ATL2: variants seen among roughly 807,000 people sequenced by gnomAD.
ATL2 encodes atlastin-2.
Under a neutral mutation model 73.9 loss-of-function variants are expected in ATL2, and 31 were observed. The observed-to-expected ratio is 0.42, with a 90% CI of 0.32 to 0.57. The LOEUF (loss-of-function observed/expected upper bound fraction) is 0.57. Ranked by LOEUF, ATL2 falls within the 20% of genes least tolerant of loss-of-function variation. ATL2 has a pLI of 0.14. For missense variants in ATL2, 738 were observed against 702.6 expected (o/e 1.05, Z -0.57); for synonymous variants, 291 against 237.5 (o/e 1.23, Z -2.07).
At chr2:38,357,990 G>C (rs1052100867) in intron 1 of ATL2, among the ~76,000 whole-genome samples, 1 of 152,146 alleles carries the variant, frequency 6.6e-6, no homozygotes, top group Non-Finnish European at 1.5e-5. Flanking sequence ...AGCAGTGCTA[G>C]TCAAGCTTAA....
At chr2:38,325,698 GTACACACACACACA>G (rs1668597213) in intron 2 of ATL2, among the ~76,000 whole-genome samples, 4 of 4,098 alleles carry the variant, frequency 9.8e-4, no homozygotes, top group African/African-American at 3.3e-3. Flanking sequence ...ACACACACCA[GTACACACACACACA>G]CACACACACA....
chr2:38,299,560 C>G (rs1373399948), intron 10 of ATL2, among the ~76,000 whole-genome samples: 2 of 152,128 alleles, frequency 1.3e-5, no homozygotes, highest in Non-Finnish European at 2.9e-5. Flanking sequence ...TAAAGTGTGT[C>G]TGCAGAAAAC....
At chr2:38,370,306 G>T (rs552732406) in intron 1 of ATL2, among the ~76,000 whole-genome samples, 2 of 147,528 alleles carry the variant, frequency 1.4e-5, no homozygotes, top group African/African-American at 2.5e-5. Context: ...AAAATTAGCC[G>T]GGCACGGTGG....
chr2:38,376,437 G>T, intron 1 of ATL2: 2 of 331,620 alleles, frequency 6.0e-6, no homozygotes, highest in Non-Finnish European at 1.1e-5. Flanking sequence ...TCGTCCAAGT[G>T]ACTCGTAAAC....
At position 38,309,481 on chromosome 2, in the gene ATL2, C is replaced by G. The variant is rs756972639; in HGVS notation, c.969G>C (p.Glu323Asp). The change falls in exon 9 of 13, where the codon GAG becomes GAC. Residue 323 changes from glutamate to aspartate, a missense_variant. Coordinates refer to ENST00000378954, the MANE Select transcript of ATL2 (RefSeq NM_001135673.4). ...GCAGCAATGGAACCAGATTTCGAAG[C>G]TCTCGTTTAAAGTCTTCATCAATAT... ...LKDIDEDFKR[E>D]LRNLVPLLLA... The G allele has an allele frequency of 1.2e-6, 2 of 1,612,478 alleles. No homozygotes were observed. Among genetic ancestry groups the G allele is most frequent in the Admixed American group, 3.3e-5 (2 of 59,862 alleles).
chr2:38,325,340 T>C (rs1214796845), intron 2 of ATL2, among the ~76,000 whole-genome samples: 1 of 151,910 alleles, frequency 6.6e-6, no homozygotes, highest in African/African-American at 2.4e-5. Flanking sequence ...GGATCAGGAG[T>C]TGAGGTCAGC....
chr2:38,315,077 C>T (rs181327241), intron 5 of ATL2, among the ~76,000 whole-genome samples: 2 of 152,254 alleles, frequency 1.3e-5, no homozygotes, highest in Non-Finnish European at 2.9e-5. Context: ...CATGGTGAAA[C>T]TTCATCTCCA....
At chr2:38,325,697 AGT>A (rs1558412084) in intron 2 of ATL2, among the ~76,000 whole-genome samples, 25 of 3,712 alleles carry the variant, frequency 6.7e-3, no homozygotes, top group East Asian at 0.013. Context: ...CACACACACC[AGT>A]ACACACACAC....
intron 1 of ATL2, among the ~76,000 whole-genome samples, chr2:38,345,919 G>A (rs1279150567): frequency 6.6e-6 from 1 of 152,198 alleles, no homozygotes; most frequent in Non-Finnish European, 1.5e-5. Flanking sequence ...AGGATTCAAT[G>A]AGTTGAAATA....
chr2:38,339,863 G>T (rs1178466222), intron 2 of ATL2, among the ~76,000 whole-genome samples: 2 of 151,960 alleles, frequency 1.3e-5, no homozygotes, highest in African/African-American at 2.4e-5. Context: ...GCTAATTTTT[G>T]TATTTTTAGT....
chr2:38,370,500 G>A (rs1187620175), intron 1 of ATL2, among the ~76,000 whole-genome samples: 3 of 143,580 alleles, frequency 2.1e-5, no homozygotes, highest in African/African-American at 7.7e-5. Context: ...AGCCAGCACA[G>A]TGGCTCATGC....
intron 9 of ATL2, among the ~76,000 whole-genome samples, chr2:38,307,480 C>A (rs1667515562): frequency 6.6e-6 from 1 of 150,874 alleles, no homozygotes; most frequent in Admixed American, 6.6e-5. Flanking sequence ...GCCTGGGTGA[C>A]AGAGCAACGC....
rs150829495 is a variant in ATL2 at position 38,298,287 on chromosome 2, G to C, written c.1489C>G (p.Leu497Val). Residue 497 changes from leucine to valine, a missense_variant, in exon 12 of 13, where the codon CTA becomes GTA. Transcript: ENST00000378954. ...TTACACAAGACAGCTATAGAGTTTA[G>C]GCCAATGAAGCCAGTCAGTCCTGAG... ...IISGLTGFIG[L>V]NSIAVLCNLV... 2.5e-6 allele frequency: 4 copies of C among 1,614,116 alleles called. No homozygotes were observed. In the African/African-American group the frequency reaches 5.3e-5, roughly 22 times the overall value.
At chr2:38,367,832 C>A (rs2124487980) in intron 1 of ATL2, among the ~76,000 whole-genome samples, 1 of 150,800 alleles carries the variant, frequency 6.6e-6, no homozygotes, top group East Asian at 2.0e-4. Context: ...GGGGTTTCAC[C>A]ATGTTGTCCG....
At chr2:38,340,171 T>TTGG (rs1669624374) in intron 2 of ATL2, among the ~76,000 whole-genome samples, 1 of 17,076 alleles carries the variant, frequency 5.9e-5, no homozygotes, top group Admixed American at 1.1e-3. Context: ...TTAGTTTTGG[T>TTGG]GGGGGGGGGG....
intron 1 of ATL2, among the ~76,000 whole-genome samples, chr2:38,363,762 T>A (rs529854087): frequency 3.4e-4 from 52 of 152,318 alleles, no homozygotes; most frequent in African/African-American, 1.2e-3. Flanking sequence ...GGCACTATAC[T>A]AGACAGAAGT....
Position 38,295,991 on chromosome 2 carries a change from C to A in ATL2, c.*3G>T, listed in dbSNP as rs1264409598. 15 of 1,540,894 alleles carry A rather than the reference C, an allele frequency of 9.7e-6. No homozygotes were observed. Among genetic ancestry groups the A allele is most frequent in the Non-Finnish European group, 1.2e-5 (14 of 1,138,030 alleles). ...AGAGTGGAGTCCGTGAGGAGATGAA[C>A]TGTCAGTCTGTCTTTAATCTGGCAT... On this transcript the variant is annotated 3_prime_UTR_variant, in exon 13 of 13. Coordinates refer to ENST00000378954, the MANE Select transcript of ATL2 (RefSeq NM_001135673.4).
At chr2:38,356,977 T>A (rs72904210) in intron 1 of ATL2, among the ~76,000 whole-genome samples, 3 of 152,100 alleles carry the variant, frequency 2.0e-5, no homozygotes, top group African/African-American at 7.3e-5. Context: ...ACTTTGTGTT[T>A]GCTGTAAACT....
upstream of ATL2, among the ~76,000 whole-genome samples, chr2:38,378,023 TA>T (rs1423378725): frequency 6.6e-6 from 1 of 152,214 alleles, no homozygotes; most frequent in Non-Finnish European, 1.5e-5. Context: ...GGTTCTTACC[TA>T]ATTGTGATGA....
Sources: gnomAD v4.1 joint callset for allele counts (sites outside exome capture counted in the v4.1 genomes callset) on GRCh38, gnomAD v4.1.1 for gene constraint, MANE v1.5 for transcripts, NCBI Gene and HGNC (gene_info 2026-07-23, HGNC 2026-07-21) for gene names.